WDR70: variants seen among roughly 807,000 people sequenced by gnomAD.
WDR70 encodes WD repeat-containing protein 70.
WDR70 carries 53 observed loss-of-function variants against 88.6 expected under a neutral mutation model. The observed-to-expected ratio is 0.60, with a 90% CI of 0.48 to 0.75. WDR70 has a LOEUF of 0.75. Among genes scored for constraint, WDR70 ranks in the 30% least tolerant of loss-of-function variants. WDR70 has a pLI of 0.00. For missense variants in WDR70, 610 were observed against 823.2 expected (o/e 0.74, Z 3.17); for synonymous variants, 280 against 270.0 (o/e 1.04, Z -0.36).
At chr5:37,388,551 C>G (rs1265964632) in intron 3 of WDR70, among the ~76,000 whole-genome samples, 66 of 137,796 alleles carry the variant, frequency 4.8e-4, no homozygotes, top group East Asian at 1.4e-3. Flanking sequence ...ACCAGCCTGG[C>G]CAACATGGTG....
chr5:37,568,335 G>A (rs1742806314), intron 9 of WDR70, among the ~76,000 whole-genome samples: 1 of 152,118 alleles, frequency 6.6e-6, no homozygotes. Flanking sequence ...ATAAATGCAG[G>A]TTAAAAAATA....
At chr5:37,664,128 G>C in intron 10 of WDR70, among the ~76,000 whole-genome samples, 1 of 152,052 alleles carries the variant, frequency 6.6e-6, no homozygotes. Context: ...CCCTCACCTA[G>C]AACACTGCAG....
chr5:37,652,992 G>A (rs1470130186), intron 10 of WDR70, among the ~76,000 whole-genome samples: 4 of 152,168 alleles, frequency 2.6e-5, no homozygotes, highest in Admixed American at 6.5e-5. Flanking sequence ...TAGGAGTGGT[G>A]GGAGGGGGCA....
chr5:37,724,965 C>T lies in WDR70; in HGVS notation c.1629C>T (p.Arg543=). Residue 543 remains arginine (R), a synonymous_variant, in exon 16 of 18, where the codon CGC becomes CGT. Transcript: ENST00000265107. ...CCTTGCCTATGTTCCGTGAGCCCCG[C>T]CAACGGAGTACAAGGAAACAGCTGG... ...PHALPMFREP[R]QRSTRKQLEK... is the part of the protein sequence containing the mutation. 1 of 1,613,636 alleles carries T rather than the reference C, an allele frequency of 6.2e-7. No homozygotes were observed. Among genetic ancestry groups the T allele is most frequent in the Admixed American group, 1.7e-5 (1 of 59,982 alleles).
chr5:37,552,074 G>A (rs993120809), intron 9 of WDR70, among the ~76,000 whole-genome samples: 2 of 151,902 alleles, frequency 1.3e-5, no homozygotes, highest in Non-Finnish European at 2.9e-5. Flanking sequence ...ACCCAGCCGA[G>A]CTCCATATTT....
chr5:37,702,770 T>C (rs1020555555), intron 12 of WDR70, among the ~76,000 whole-genome samples, 179 bp from the exon 13 acceptor site: 5 of 152,222 alleles, frequency 3.3e-5, no homozygotes, highest in Non-Finnish European at 7.3e-5. Flanking sequence ...ATCAGTAAAA[T>C]GTGGATAATA....
intron 9 of WDR70, among the ~76,000 whole-genome samples, chr5:37,576,471 G>T (rs1006060432): frequency 1.3e-5 from 2 of 151,936 alleles, no homozygotes; most frequent in African/African-American, 2.4e-5. Context: ...TTATATACTT[G>T]TATTTTATTT....
At chr5:37,459,527 C>CA (rs1738934404) in intron 7 of WDR70, among the ~76,000 whole-genome samples, 1 of 87,436 alleles carries the variant, frequency 1.1e-5, no homozygotes, top group East Asian at 3.6e-4. Context: ...ACACCTTATA[C>CA]AAAAATCAAT....
In WDR70 at chr5:37,401,493, T is replaced by A. The variant is rs1749192996; in HGVS notation, c.492+4923T>A. 2.0e-5 allele frequency among the ~76,000 whole-genome samples: 3 copies of A among 151,862 alleles called. No individual in the cohort carries two copies. In the South Asian group the frequency reaches 6.2e-4, roughly 32 times the overall value. Reference sequence around the variant, plus strand: ...ACTGCACCCAGCTAATTTTTTGTATTTTTAGTAGAGACGGAGTTTCACCAT... The same window carrying A: ...ACTGCACCCAGCTAATTTTTTGTATATTTAGTAGAGACGGAGTTTCACCAT... On this transcript the variant is annotated intron_variant, in intron 5 of 17. Coordinates refer to ENST00000265107, the MANE Select transcript of WDR70 (RefSeq NM_018034.4).
At chr5:37,423,891 A>G (rs1217661231) in intron 5 of WDR70, among the ~76,000 whole-genome samples, 3 of 147,468 alleles carry the variant, frequency 2.0e-5, no homozygotes, top group Admixed American at 6.7e-5. Flanking sequence ...GCTCATGCCT[A>G]TAATCCCAGC....
chr5:37,709,205 G>A (rs1281908293), intron 13 of WDR70, among the ~76,000 whole-genome samples: 1 of 152,160 alleles, frequency 6.6e-6, no homozygotes, highest in East Asian at 1.9e-4. Flanking sequence ...GAAAAAATGG[G>A]CTTTGAATTA....
chr5:37,745,630 T>A (rs1192410798), intron 17 of WDR70, among the ~76,000 whole-genome samples: 3 of 151,908 alleles, frequency 2.0e-5, no homozygotes, highest in Non-Finnish European at 4.4e-5. Flanking sequence ...GTTGCAATTC[T>A]AGTCTCTGAC....
chr5:37,657,859 C>T (rs1410727347), intron 10 of WDR70, among the ~76,000 whole-genome samples: 3 of 152,172 alleles, frequency 2.0e-5, no homozygotes, highest in African/African-American at 7.2e-5. Flanking sequence ...GTGTACTTTC[C>T]TTCCTCCATA....
intron 9 of WDR70, among the ~76,000 whole-genome samples, chr5:37,521,701 T>TACAC (rs1491440083): frequency 3.7e-5 from 3 of 81,598 alleles, no homozygotes; most frequent in Middle Eastern, 5.7e-3. Context: ...GTAGTCCAAG[T>TACAC]ATACACACAC....
intron 8 of WDR70, among the ~76,000 whole-genome samples, chr5:37,510,324 A>G (rs978570506): frequency 6.6e-6 from 1 of 152,070 alleles, no homozygotes; most frequent in Non-Finnish European, 1.5e-5. Context: ...ACACACTCAT[A>G]TATATATGCA....
intron 5 of WDR70, among the ~76,000 whole-genome samples, chr5:37,406,291 C>T (rs1561839985): frequency 6.6e-6 from 1 of 152,210 alleles, no homozygotes; most frequent in Non-Finnish European, 1.5e-5. Flanking sequence ...CCAGATCTCT[C>T]CAATTCCCTG....
intron 7 of WDR70, among the ~76,000 whole-genome samples, chr5:37,451,631 TG>T (rs1738677928): frequency 1.3e-5 from 2 of 151,880 alleles, no homozygotes; most frequent in South Asian, 2.1e-4. Flanking sequence ...ATAAAAAATA[TG>T]TGACTTAAGT....
intron 9 of WDR70, among the ~76,000 whole-genome samples, chr5:37,591,197 G>GT (rs1218880578): frequency 6.6e-6 from 1 of 152,090 alleles, no homozygotes; most frequent in East Asian, 1.9e-4. Context: ...GCCAGGCATA[G>GT]TGGCTCGTGC....
chr5:37,599,703 C>T (rs1368277420), intron 9 of WDR70, among the ~76,000 whole-genome samples: 1 of 151,956 alleles, frequency 6.6e-6, no homozygotes, highest in African/African-American at 2.4e-5. Flanking sequence ...ACCAGCCTGG[C>T]CAGCATGGCA....
Sources: gnomAD v4.1 joint callset for allele counts (sites outside exome capture counted in the v4.1 genomes callset) on GRCh38, gnomAD v4.1.1 for gene constraint, MANE v1.5 for transcripts, NCBI Gene and HGNC (gene_info 2026-07-23, HGNC 2026-07-21) for gene names.